TPRX2: variants seen among roughly 807,000 people sequenced by gnomAD.
The protein encoded by TPRX2 is tetrapeptide repeat homeobox 2.
chr19:47,860,628 C>T, the TPRX2 span, among the ~76,000 whole-genome samples: 36 of 134,816 alleles, frequency 2.7e-4, no homozygotes, highest in Middle Eastern at 3.6e-3. Flanking sequence ...CCCCTACTTT[C>T]CCCTCCCTCT....
chr19:47,861,464 C>A, the TPRX2 span: 1 of 997,672 alleles, frequency 1.0e-6, no homozygotes, highest in Non-Finnish European at 1.4e-6. Context: ...AGGAGGATGG[C>A]TTCGTGGACA....
At chr19:47,860,802 G>A in the TPRX2 span, 18 of 1,542,356 alleles carry the variant, frequency 1.2e-5, no homozygotes, top group Non-Finnish European at 1.5e-5. Flanking sequence ...TGCCCCCCAG[G>A]TGTGGTTCAA....
chr19:47,859,491 A>C, the TPRX2 span, among the ~76,000 whole-genome samples: 5 of 150,432 alleles, frequency 3.3e-5, no homozygotes, highest in Admixed American at 3.3e-4. Context: ...AGGTGGGAGG[A>C]TCACTTGAGC....
At chr19:47,860,691 G>A in the TPRX2 span, 158 of 1,288,322 alleles carry the variant, frequency 1.2e-4, 2 homozygotes, top group South Asian at 2.3e-3. Flanking sequence ...GTGGGTGCGG[G>A]GTGGGGGTGA....
the TPRX2 span, among the ~76,000 whole-genome samples, chr19:47,859,520 C>T: frequency 1.3e-5 from 2 of 149,500 alleles, no homozygotes; most frequent in Non-Finnish European, 3.0e-5. Context: ...CTGAAACCAG[C>T]CGAGCCAACA....
At chr19:47,861,131 C>T in the TPRX2 span, 4 of 699,102 alleles carry the variant, frequency 5.7e-6, no homozygotes, top group East Asian at 2.7e-5. Context: ...CTATCCCAGG[C>T]CCAGCCCAGA....
the TPRX2 span, chr19:47,861,435 A>G: frequency 1.4e-6 from 1 of 707,008 alleles, no homozygotes. Flanking sequence ...ACTCTCCACC[A>G]CGACGTCTCA....
chr19:47,859,914 C>T, the TPRX2 span, among the ~76,000 whole-genome samples: 15 of 149,886 alleles, frequency 1.0e-4, no homozygotes, highest in South Asian at 3.2e-3. Flanking sequence ...TTCCCAGGAG[C>T]TGTTATCGCG....
chr19:47,859,868 C>T, the TPRX2 span, among the ~76,000 whole-genome samples: 2 of 150,848 alleles, frequency 1.3e-5, no homozygotes, highest in Non-Finnish European at 3.0e-5. Context: ...GAGGCAGCCC[C>T]GTCTGCTCCG....
chr19:47,860,361 C>G, the TPRX2 span: 1 of 679,842 alleles, frequency 1.5e-6, no homozygotes, highest in Non-Finnish European at 2.5e-6. Flanking sequence ...CGGGGCCTGG[C>G]CCGCCCGACC....
At chr19:47,861,331 A>G in the TPRX2 span, 2 of 475,928 alleles carry the variant, frequency 4.2e-6, no homozygotes, top group Non-Finnish European at 8.4e-6. Context: ...TTGTGGCCTC[A>G]GAGCCCCTAT....
the TPRX2 span, among the ~76,000 whole-genome samples, chr19:47,859,578 G>A: frequency 2.0e-5 from 3 of 146,692 alleles, no homozygotes; most frequent in South Asian, 2.2e-4. Flanking sequence ...CCCAGGGGTC[G>A]TGGTGCACAC....
At chr19:47,860,039 G>T in the TPRX2 span, 1 of 1,407,586 alleles carries the variant, frequency 7.1e-7, no homozygotes, top group South Asian at 1.3e-5. Flanking sequence ...CTGGCCTGGC[G>T]CAGGGGACGG....
the TPRX2 span, chr19:47,860,661 G>T: frequency 1.1e-6 from 1 of 877,132 alleles, no homozygotes; most frequent in East Asian, 2.7e-5. Flanking sequence ...CCAGGCCTGG[G>T]AGCCGGGGGC....
At chr19:47,861,183 A>G in the TPRX2 span, 21 of 657,226 alleles carry the variant, frequency 3.2e-5, no homozygotes, top group East Asian at 5.7e-4. Flanking sequence ...TTTAGGCCCA[A>G]TGTCAGGCCC....
the TPRX2 span, chr19:47,860,013 C>G: frequency 3.7e-6 from 4 of 1,087,190 alleles, no homozygotes; most frequent in Admixed American, 4.2e-5. Context: ...CGCCCCAGCC[C>G]ACACTGCCTG....
the TPRX2 span, among the ~76,000 whole-genome samples, chr19:47,859,440 G>A: frequency 6.3e-4 from 95 of 151,176 alleles, 4 homozygotes; most frequent in African/African-American, 2.2e-3. Flanking sequence ...GCAGCTGGGC[G>A]CAGAGTCTCA....
chr19:47,860,057 A>AG, the TPRX2 span: 3 of 1,400,778 alleles, frequency 2.1e-6, no homozygotes, highest in Middle Eastern at 2.3e-4. Flanking sequence ...CGGGGTCCCT[A>AG]GGGGGGCTGG....
chr19:47,859,795 T>G, the TPRX2 span, among the ~76,000 whole-genome samples: 7 of 150,614 alleles, frequency 4.6e-5, no homozygotes, highest in Non-Finnish European at 8.9e-5. Context: ...CCTGCAAGTG[T>G]CAGGGTCCCT....
Sources: gnomAD v4.1 joint callset for allele counts (sites outside exome capture counted in the v4.1 genomes callset) on GRCh38, gnomAD v4.1.1 for gene constraint, MANE v1.5 for transcripts, NCBI Gene and HGNC (gene_info 2026-07-23, HGNC 2026-07-21) for gene names.